ARHGEF33: variants seen among roughly 807,000 people sequenced by gnomAD.
ARHGEF33 encodes the protein Rho guanine nucleotide exchange factor 33, also known as DH and coiled-coil domain-containing protein ENSP00000381780.
Under a neutral mutation model 101.9 loss-of-function variants are expected in ARHGEF33, and 72 were observed. The ratio of observed to expected loss-of-function variants is 0.71; its 90% CI spans 0.58 to 0.86. The LOEUF is 0.86. Among genes scored for constraint, ARHGEF33 ranks in the 40% least tolerant of loss-of-function variants. The pLI, the probability that ARHGEF33 is intolerant of heterozygous loss-of-function variation, is 0.00. For missense variants in ARHGEF33, 1,169 were observed against 1,111.3 expected, an observed-to-expected ratio of 1.05 and a Z score of -0.74; for synonymous variants, 499 against 442.5, an observed-to-expected ratio of 1.13 and a Z score of -1.60.
intron 4 of ARHGEF33, 24 bp from the exon 5 acceptor site, chr2:38,928,883 A>G (rs1666931394): frequency 6.5e-7 from 1 of 1,530,680 alleles, no homozygotes; most frequent in Non-Finnish European, 8.8e-7. Context: ...AGCAAATTGA[A>G]TTAACTTTTC....
chr2:38,892,566 T>C (rs1361551389), intron 1 of ARHGEF33, among the ~76,000 whole-genome samples: 1 of 152,196 alleles, frequency 6.6e-6, no homozygotes, highest in Non-Finnish European at 1.5e-5. Context: ...CCTAGCAGAG[T>C]TAGTCAGTGC....
At position 38,973,468 on chromosome 2, in the gene ARHGEF33, A is replaced by G. The variant is rs138011173; in HGVS notation, c.2484-246A>G. 6.7e-4 allele frequency among the ~76,000 whole-genome samples: 102 copies of G among 152,302 alleles called. 1 individual carries two copies. The highest frequency in any genetic ancestry group is 2.3e-3 in the African/African-American group (95 of 41,560). ...TCCCCTATTATGATGTTATTACACA[A>G]TATCTTACACTGACATATACAATTG... On this transcript the variant is annotated intron_variant, in intron 17 of 17. Coordinates refer to ENST00000409978, the MANE Select transcript of ARHGEF33 (RefSeq NM_001145451.5).
intron 17 of ARHGEF33, chr2:38,971,749 G>T: frequency 1.4e-6 from 1 of 700,168 alleles, no homozygotes; most frequent in South Asian, 1.5e-5. Flanking sequence ...AAGAAATGCA[G>T]AGAAATTCAG....
At chr2:38,915,063 G>A (rs1666602562) in intron 2 of ARHGEF33, among the ~76,000 whole-genome samples, 1 of 151,888 alleles carries the variant, frequency 6.6e-6, no homozygotes. Flanking sequence ...TGTTGCCTGG[G>A]GTGATCTTGA....
At chr2:38,911,260 T>A (rs1041789081) in intron 2 of ARHGEF33, among the ~76,000 whole-genome samples, 2 of 152,236 alleles carry the variant, frequency 1.3e-5, no homozygotes, top group Admixed American at 6.5e-5. Flanking sequence ...TGATGAATTA[T>A]TTTAGTTTCA....
intron 4 of ARHGEF33, among the ~76,000 whole-genome samples, chr2:38,925,763 T>C (rs919505520): frequency 6.6e-6 from 1 of 152,190 alleles, no homozygotes; most frequent in African/African-American, 2.4e-5. Flanking sequence ...TTTTATAGAA[T>C]CATAGGAATT....
In ARHGEF33 at chr2:38,940,195, G is replaced by A. The variant is rs72916845; in HGVS notation, c.790+2636G>A. Among the ~76,000 whole-genome samples, 637 of 152,166 alleles carry A rather than the reference G, an allele frequency of 4.2e-3. 5 individuals carry two copies. Among genetic ancestry groups the A allele is most frequent in the African/African-American group, 0.015 (605 of 41,510 alleles). On this transcript the variant is annotated intron_variant, in intron 9 of 17. Coordinates refer to ENST00000409978, the MANE Select transcript of ARHGEF33 (RefSeq NM_001145451.5). ...TTGAGTCTTCCATTTAAAGAACATG[G>A]TATATCTCTTCATTTATATAGATCT...
chr2:38,972,292 G>T (rs1268407762), intron 17 of ARHGEF33, among the ~76,000 whole-genome samples: 1 of 152,148 alleles, frequency 6.6e-6, no homozygotes, highest in Non-Finnish European at 1.5e-5. Flanking sequence ...TGAAAGACAA[G>T]AGAAGGCCCG....
At position 38,958,198 on chromosome 2, in the gene ARHGEF33, C is replaced by T. The variant is rs529775645; in HGVS notation, c.1535C>T (p.Thr512Ile). The change falls in exon 15 of 18, where the codon ACA becomes ATA. Residue 512 changes from threonine (T) to isoleucine (I), a missense_variant and splice_region_variant. Thr to Ile is a moderately conservative substitution (Grantham distance 89). Transcript: ENST00000409978. ...GCTCCCAGTTCTGGCCCTGCCATCA[C>T]GTAAGCACCTGTTGCTGTGGGAAGG... ...PSAPSSGPAI[T>I]HLMPPVKKSQ... is the part of the protein sequence containing the mutation. 7 of 1,551,520 alleles carry T rather than the reference C, an allele frequency of 4.5e-6. No individual in the cohort carries two copies. The highest frequency in any genetic ancestry group is 3.9e-5 in the Admixed American group (2 of 51,010).
chr2:38,904,271 G>C (rs1179635871), intron 2 of ARHGEF33, among the ~76,000 whole-genome samples: 3 of 152,206 alleles, frequency 2.0e-5, no homozygotes, highest in Admixed American at 2.0e-4. Flanking sequence ...AGGCAGCAGG[G>C]AGAAGGAGAG....
intron 10 of ARHGEF33, among the ~76,000 whole-genome samples, chr2:38,948,781 T>C (rs563634998): frequency 3.3e-5 from 5 of 152,332 alleles, no homozygotes; most frequent in Admixed American, 3.3e-4. Context: ...CTTTTGCACC[T>C]AGATCTTTGG....
At chr2:38,972,451 T>C (rs775125753) in intron 17 of ARHGEF33, among the ~76,000 whole-genome samples, 1 of 152,130 alleles carries the variant, frequency 6.6e-6, no homozygotes, top group South Asian at 2.1e-4. Flanking sequence ...TTTTCCTCTC[T>C]GCACTGGGAT....
At position 38,960,389 on chromosome 2, in the gene ARHGEF33, C is replaced by G. The variant is rs1472720774; in HGVS notation, c.2084C>G (p.Ala695Gly). The part of the protein sequence containing the change: ...GSSSAYKLEA[A>G]AQAHGKAKPL... ...AGCAGCGCCTACAAACTGGAGGCGG[C>G]GGCGCAGGCGCACGGCAAGGCCAAG... Residue 695 changes from alanine (A) to glycine (G), a missense_variant, in exon 16 of 18, where the codon GCG becomes GGG. By Grantham distance (60) the Ala-to-Gly change is moderately conservative. Coordinates refer to ENST00000409978, the MANE Select transcript of ARHGEF33 (RefSeq NM_001145451.5). 1.3e-6 allele frequency: 2 copies of G among 1,509,530 alleles called. No homozygotes were observed. The highest frequency in any genetic ancestry group is 1.2e-5 in the South Asian group (1 of 80,162). The allele number at this position is 1,509,530 out of a possible 1,614,324, so 93.5% of individuals were successfully genotyped here.
chr2:38,907,522 G>C (rs1477875222), intron 2 of ARHGEF33, among the ~76,000 whole-genome samples: 1 of 152,140 alleles, frequency 6.6e-6, no homozygotes, highest in Non-Finnish European at 1.5e-5. Flanking sequence ...GTTTTACAAT[G>C]TACTACTAAC....
At chr2:38,934,910 G>A (rs1342623474) in intron 7 of ARHGEF33, among the ~76,000 whole-genome samples, 2 of 151,930 alleles carry the variant, frequency 1.3e-5, no homozygotes, top group Admixed American at 6.6e-5. Context: ...GAGAAAGTTC[G>A]CTTATGGGTA....
At position 38,956,788 on chromosome 2, in the gene ARHGEF33, T is replaced by G. The variant is rs1456122449; in HGVS notation, c.1222-111T>G. ...GGGGTCATGTGTATTGTTCATTGTT[T>G]TGATTAAATGGCTATGAATCTCCCA... On this transcript the variant is annotated intron_variant, in intron 13 of 17. Coordinates refer to ENST00000409978, the MANE Select transcript of ARHGEF33 (RefSeq NM_001145451.5). 21 of 1,315,846 alleles carry G rather than the reference T, an allele frequency of 1.6e-5. No homozygotes were observed. The East Asian group carries it at 5.3e-4, about 33-fold the overall frequency. 81.5% of individuals were successfully genotyped at this position (1,315,846 alleles called of 1,614,324 possible).
At chr2:38,963,782 C>T (rs918317806) in intron 16 of ARHGEF33, among the ~76,000 whole-genome samples, 2 of 151,972 alleles carry the variant, frequency 1.3e-5, no homozygotes, top group African/African-American at 2.4e-5. Flanking sequence ...TAGGATCATT[C>T]GCGGTGATTG....
rs529356054 is a variant in ARHGEF33 at position 38,922,714 on chromosome 2, A to T, written c.75+1291A>T. Among the ~76,000 whole-genome samples the T allele has an allele frequency of 2.0e-5, 3 of 152,338 alleles. No individual in the cohort carries two copies. The South Asian group carries it at 6.2e-4, about 32-fold the overall frequency. On this transcript the variant is annotated intron_variant, in intron 4 of 17. Coordinates refer to ENST00000409978, the MANE Select transcript of ARHGEF33 (RefSeq NM_001145451.5). The stretch of plus-strand genomic sequence containing the variant: ...TGTGTCCACAGCCTGAAAAACACAT[A>T]GAATAATAGCTCTTACAAGGTAGGC...
chr2:38,971,089 G>A (rs757747495), intron 17 of ARHGEF33, among the ~76,000 whole-genome samples: 7 of 152,174 alleles, frequency 4.6e-5, no homozygotes, highest in Non-Finnish European at 7.3e-5. Flanking sequence ...ACAGATGCAT[G>A]TCTCCTAAAG....
Sources: gnomAD v4.1 joint callset for allele counts (sites outside exome capture counted in the v4.1 genomes callset) on GRCh38, gnomAD v4.1.1 for gene constraint, MANE v1.5 for transcripts, NCBI Gene and HGNC (gene_info 2026-07-23, HGNC 2026-07-21) for gene names.